TMEFF2: variants seen among roughly 807,000 people sequenced by gnomAD.
TMEFF2 encodes tomoregulin-2.
TMEFF2 carries 28 observed loss-of-function variants against 53.8 expected under a neutral mutation model. The ratio of observed to expected loss-of-function variants is 0.52; its 90% CI spans 0.39 to 0.71. TMEFF2 has a LOEUF of 0.71. Ranked by LOEUF, TMEFF2 falls within the 30% of genes least tolerant of loss-of-function variation. The pLI is 0.00. For missense variants in TMEFF2, 353 were observed against 455.2 expected (o/e 0.78, Z 2.04); for synonymous variants, 162 against 166.3 (o/e 0.97, Z 0.20).
intron 4 of TMEFF2, among the ~76,000 whole-genome samples, chr2:192,127,534 GAAA>G (rs1388282803): frequency 1.3e-5 from 2 of 152,122 alleles, no homozygotes; most frequent in Non-Finnish European, 2.9e-5. Flanking sequence ...AACTGGATGA[GAAA>G]TCCTCTTTAT....
intron 4 of TMEFF2, among the ~76,000 whole-genome samples, chr2:192,090,273 G>A (rs1688761477): frequency 6.6e-6 from 1 of 152,048 alleles, no homozygotes; most frequent in Non-Finnish European, 1.5e-5. Flanking sequence ...ACAACTGAAG[G>A]AAATGCTGAA....
intron 5 of TMEFF2, among the ~76,000 whole-genome samples, chr2:192,044,876 A>G (rs967378786): frequency 3.3e-5 from 5 of 152,210 alleles, no homozygotes; most frequent in African/African-American, 4.8e-5. Flanking sequence ...GCTTCCCACC[A>G]TGAACTGAGT....
chr2:192,110,694 A>G (rs1306960977), intron 4 of TMEFF2, among the ~76,000 whole-genome samples: 1 of 152,166 alleles, frequency 6.6e-6, no homozygotes, highest in Non-Finnish European at 1.5e-5. Flanking sequence ...TTTCTTTTTA[A>G]CATAGCTGAA....
intron 5 of TMEFF2, among the ~76,000 whole-genome samples, chr2:192,045,449 C>G (rs991311431): frequency 6.6e-6 from 1 of 152,046 alleles, no homozygotes; most frequent in Non-Finnish European, 1.5e-5. Flanking sequence ...GGCAAAAAAC[C>G]ATGAAGATAT....
At chr2:192,105,257 AAATT>A (rs1211045880) in intron 4 of TMEFF2, among the ~76,000 whole-genome samples, 25 of 151,960 alleles carry the variant, frequency 1.6e-4, no homozygotes, top group Admixed American at 1.1e-3. Flanking sequence ...AGTACACATA[AAATT>A]AATATTATTT....
intron 9 of TMEFF2, 154 bp from the exon 10 acceptor site, chr2:191,950,561 AGTT>A (rs1691844287): frequency 1.7e-6 from 2 of 1,193,142 alleles, no homozygotes; most frequent in East Asian, 5.0e-5. Context: ...ATTTTGGAAA[AGTT>A]ATTATTTTGC....
At chr2:192,052,695 A>G (rs926036342) in intron 5 of TMEFF2, among the ~76,000 whole-genome samples, 2 of 152,182 alleles carry the variant, frequency 1.3e-5, no homozygotes, top group Non-Finnish European at 1.5e-5. Flanking sequence ...CCTTTTATGT[A>G]TAAATGTATT....
In TMEFF2 at chr2:192,002,762, G is replaced by A. The variant is rs563515113; in HGVS notation, c.537-3554C>T. Among the ~76,000 whole-genome samples, 559 of 152,130 alleles carry A rather than the reference G, an allele frequency of 3.7e-3. 3 individuals are homozygous for A. The highest frequency in any genetic ancestry group is 0.017 in the Middle Eastern group (5 of 292). ...GGAGAATCACTTGAACGGGGGAGGC[G>A]GAGGTTGCGGTGAGCTGAGATCCCA... On this transcript the variant is annotated intron_variant, in intron 5 of 9. Coordinates refer to ENST00000272771, the MANE Select transcript of TMEFF2 (RefSeq NM_016192.4).
At chr2:192,077,900 T>C (rs2105922681) in intron 4 of TMEFF2, among the ~76,000 whole-genome samples, 1 of 152,196 alleles carries the variant, frequency 6.6e-6, no homozygotes, top group Admixed American at 6.6e-5. Context: ...AAATATTTTT[T>C]CTAAACTAAA....
At chr2:191,957,308 T>C (rs1440346166) in intron 7 of TMEFF2, among the ~76,000 whole-genome samples, 3 of 152,222 alleles carry the variant, frequency 2.0e-5, no homozygotes, top group Non-Finnish European at 2.9e-5. Flanking sequence ...TATGATATTC[T>C]TGAAAATTTC....
intron 5 of TMEFF2, chr2:192,030,790 T>C (rs1687113235): frequency 6.6e-6 from 1 of 152,124 alleles, no homozygotes; most frequent in South Asian, 2.1e-4. Context: ...GATAAATTTT[T>C]AGGACTTAGC....
intron 4 of TMEFF2, among the ~76,000 whole-genome samples, chr2:192,071,003 G>T (rs1477984219): frequency 6.6e-6 from 1 of 150,470 alleles, no homozygotes; most frequent in Non-Finnish European, 1.5e-5. Context: ...GCATGTAATT[G>T]CAAGTTGCAG....
chr2:192,145,929 A>G (rs572515042), intron 4 of TMEFF2, among the ~76,000 whole-genome samples: 1 of 152,162 alleles, frequency 6.6e-6, no homozygotes, highest in East Asian at 1.9e-4. Flanking sequence ...ACAAAAAGAA[A>G]AAAAACTGAA....
At chr2:192,122,122 C>T (rs950532322) in intron 4 of TMEFF2, among the ~76,000 whole-genome samples, 2 of 152,042 alleles carry the variant, frequency 1.3e-5, no homozygotes, top group African/African-American at 4.8e-5. Context: ...TTGATCATTA[C>T]ACTTTATAAA....
intron 4 of TMEFF2, among the ~76,000 whole-genome samples, chr2:192,122,898 T>C (rs1262244163): frequency 2.6e-5 from 4 of 152,156 alleles, no homozygotes; most frequent in African/African-American, 4.8e-5. Flanking sequence ...AAAATCAGAT[T>C]TGAACCAGAA....
chr2:191,968,208 G>T (rs900188228), intron 7 of TMEFF2, among the ~76,000 whole-genome samples: 1 of 152,188 alleles, frequency 6.6e-6, no homozygotes, highest in African/African-American at 2.4e-5. Flanking sequence ...TTATACCAAT[G>T]TTTATGATTG....
chr2:191,987,950 T>A (rs935436354), intron 7 of TMEFF2, among the ~76,000 whole-genome samples: 1 of 152,250 alleles, frequency 6.6e-6, no homozygotes, highest in Admixed American at 6.5e-5. Context: ...ATGATGATAA[T>A]CATGAGTATA....
At chr2:192,147,482 C>T (rs1432704055) in intron 4 of TMEFF2, among the ~76,000 whole-genome samples, 2 of 151,426 alleles carry the variant, frequency 1.3e-5, no homozygotes, top group African/African-American at 2.4e-5. Context: ...CCTCCCCACT[C>T]CCCCCACCCC....
At chr2:192,098,948 C>T (rs926338126) in intron 4 of TMEFF2, among the ~76,000 whole-genome samples, 2 of 152,110 alleles carry the variant, frequency 1.3e-5, no homozygotes, top group African/African-American at 2.4e-5. Context: ...AACTTAATGG[C>T]GTTGGTTTTT....
Sources: gnomAD v4.1 joint callset for allele counts (sites outside exome capture counted in the v4.1 genomes callset) on GRCh38, gnomAD v4.1.1 for gene constraint, MANE v1.5 for transcripts, NCBI Gene and HGNC (gene_info 2026-07-23, HGNC 2026-07-21) for gene names.